Variants in NOS1AP observed in about 807,000 individuals in gnomAD.
NOS1AP encodes the protein nitric oxide synthase 1 adaptor protein.
In NOS1AP, 21 loss-of-function variants were observed where a neutral mutation model predicts 56.2. The observed-to-expected ratio is 0.37, with a 90% CI of 0.26 to 0.54. The LOEUF (loss-of-function observed/expected upper bound fraction) is 0.54, where lower values mean the gene tolerates loss of function less well. NOS1AP is among the 20% of genes least tolerant of loss of function. NOS1AP has a pLI of 0.84. For missense variants in NOS1AP, 522 were observed against 657.8 expected (o/e 0.79, Z 2.26); for synonymous variants, 270 against 274.6 (o/e 0.98, Z 0.17).
At chr1:162,183,182 A>G (rs960148485) in intron 2 of NOS1AP, among the ~76,000 whole-genome samples, 10 of 152,238 alleles carry the variant, frequency 6.6e-5, no homozygotes, top group Admixed American at 2.0e-4. Flanking sequence ...GAACATCTCC[A>G]TCAGAGATCT....
rs397974077 is a variant in NOS1AP at position 162,289,219 on chromosome 1, T to TCCTTC, written c.270+1785_270+1789dup. Among the ~76,000 whole-genome samples the TCCTTC allele has an allele frequency of 2.3e-3, 45 of 19,422 alleles. 1 individual carries two copies. In the East Asian group the frequency reaches 0.031, roughly 14 times the overall value. 12.7% of individuals were successfully genotyped at this position (19,422 alleles called of 152,430 possible). A position where few individuals can be genotyped will look rare whatever the true frequency, so the allele number is the denominator to read the frequency against. On this transcript the variant is annotated intron_variant, in intron 3 of 9. Transcript: ENST00000361897. ...TCCTTCCTTCCTTCCTTTCCTTCCT[T>TCCTTC]CCTTCCTTCCTTCCTTCCTTCCTTC...
At chr1:162,125,130 C>CTTTGTTTTTTTTTTTTTT (rs1648427249) in intron 1 of NOS1AP, among the ~76,000 whole-genome samples, 1 of 124,170 alleles carries the variant, frequency 8.1e-6, no homozygotes, top group African/African-American at 3.2e-5. Context: ...GTTTCTGACT[C>CTTTGTTTTTTTTTTTTTT]TTTTTTTTTT....
At chr1:162,350,997 G>A (rs191076734) in intron 6 of NOS1AP, among the ~76,000 whole-genome samples, 1 of 152,318 alleles carries the variant, frequency 6.6e-6, no homozygotes, top group Non-Finnish European at 1.5e-5. Context: ...ATGGTTTCAT[G>A]TACACAAATG....
At chr1:162,224,681 C>T (rs551958841) in intron 2 of NOS1AP, among the ~76,000 whole-genome samples, 1 of 152,278 alleles carries the variant, frequency 6.6e-6, no homozygotes, top group East Asian at 1.9e-4. Flanking sequence ...GGAAATGCTA[C>T]AGACTCATCC....
chr1:162,151,143 G>T (rs376035544), intron 1 of NOS1AP, among the ~76,000 whole-genome samples: 1 of 152,158 alleles, frequency 6.6e-6, no homozygotes, highest in Non-Finnish European at 1.5e-5. Flanking sequence ...TTTGTATATG[G>T]TGAGAGATAG....
rs185237246 is a variant in NOS1AP, at chr1:162,198,637, T to G, written c.177+44161T>G. Among the ~76,000 whole-genome samples the G allele has an allele frequency of 2.4e-3, 371 of 152,348 alleles. 4 individuals carry two copies. The highest frequency in any genetic ancestry group is 8.3e-3 in the African/African-American group (347 of 41,582). On this transcript the variant is annotated intron_variant, in intron 2 of 9. Coordinates refer to ENST00000361897, the MANE Select transcript of NOS1AP (RefSeq NM_014697.3). ...TGCATGGTATTTGTTAGTGTCAAAA[T>G]GCAGCAAATCTCTAAATGATTGTTC...
intron 2 of NOS1AP, among the ~76,000 whole-genome samples, chr1:162,231,566 T>C (rs1169393116): frequency 2.0e-5 from 3 of 152,190 alleles, no homozygotes; most frequent in African/African-American, 7.2e-5. Context: ...AAATATTCAA[T>C]ATGTCATCAA....
chr1:162,317,639 C>G (rs965980691), intron 4 of NOS1AP: 1 of 152,178 alleles, frequency 6.6e-6, no homozygotes, highest in Non-Finnish European at 1.5e-5. Flanking sequence ...CCTTCCAGCC[C>G]TCGTATATCT....
At chr1:162,265,848 T>G (rs1286435260) in intron 2 of NOS1AP, among the ~76,000 whole-genome samples, 2 of 152,196 alleles carry the variant, frequency 1.3e-5, no homozygotes, top group African/African-American at 2.4e-5. Context: ...GATAGAAGTT[T>G]CTCTTTCTCA....
chr1:162,349,135 C>T (rs1043444315), intron 6 of NOS1AP, among the ~76,000 whole-genome samples: 9 of 151,256 alleles, frequency 6.0e-5, no homozygotes, highest in South Asian at 2.1e-4. Context: ...TGTGGTGAGC[C>T]GAGATCGCAC....
chr1:162,344,817 A>T (rs540643137), intron 6 of NOS1AP, among the ~76,000 whole-genome samples: 1 of 152,340 alleles, frequency 6.6e-6, no homozygotes, highest in South Asian at 2.1e-4. Flanking sequence ...AACATGGGAA[A>T]CCCAAGAAAA....
At chr1:162,071,295 A>T (rs908164919) in intron 1 of NOS1AP, among the ~76,000 whole-genome samples, 1 of 152,076 alleles carries the variant, frequency 6.6e-6, no homozygotes, top group African/African-American at 2.4e-5. Context: ...TGTACTTTGG[A>T]TGTGGCGACA....
chr1:162,333,151 G>A (rs1325144283), intron 5 of NOS1AP, 26 bp downstream of exon 5: 3 of 1,508,912 alleles, frequency 2.0e-6, no homozygotes, highest in African/African-American at 1.4e-5. Context: ...CCGTCCATCT[G>A]CTATTTTCCT....
intron 2 of NOS1AP, among the ~76,000 whole-genome samples, chr1:162,195,992 TA>T (rs1413280793): frequency 6.6e-6 from 1 of 152,202 alleles, no homozygotes; most frequent in East Asian, 1.9e-4. Flanking sequence ...TTAAATAAAT[TA>T]GACTATTGGA....
At position 162,367,329 on chromosome 1, in the gene NOS1AP, C is replaced by T. The variant is rs746753852; in HGVS notation, c.1383C>T (p.Gly461=). 2.5e-6 allele frequency: 4 copies of T among 1,613,132 alleles called. No homozygotes were observed. The highest frequency in any genetic ancestry group is 1.3e-5 in the African/African-American group (1 of 74,958). The stretch of plus-strand genomic sequence containing the variant: ...AGCTCATCAAGTTCCGAGAGTCAGG[C>T]ATCGCCTCGGAGTACGAGTCCAACA... ...GLELIKFRES[G]IASEYESNTD... The change falls in exon 10 of 10, where the codon GGC becomes GGT. Residue 461 remains glycine, a synonymous_variant. Transcript: ENST00000361897. This position sits in a 1 kb window ranked among gnomAD's most constrained non-coding sequence, Gnocchi z 6.5.
At chr1:162,223,721 G>A (rs558652318) in intron 2 of NOS1AP, among the ~76,000 whole-genome samples, 2 of 152,256 alleles carry the variant, frequency 1.3e-5, no homozygotes, top group South Asian at 4.1e-4. Context: ...TGTAGGTAGA[G>A]GATATAGGAA....
intron 8 of NOS1AP, among the ~76,000 whole-genome samples, chr1:162,358,841 A>G (rs1031439258): frequency 6.6e-6 from 1 of 152,226 alleles, no homozygotes; most frequent in African/African-American, 2.4e-5. Flanking sequence ...TCAGGGAGGC[A>G]TTTGAATTCG....
At chr1:162,160,384 CA>C (rs1650151251) in intron 2 of NOS1AP, among the ~76,000 whole-genome samples, 2 of 152,100 alleles carry the variant, frequency 1.3e-5, no homozygotes, top group Admixed American at 6.5e-5. Flanking sequence ...TCAAGAAAAA[CA>C]AAAACAGAAA....
intron 1 of NOS1AP, among the ~76,000 whole-genome samples, chr1:162,078,240 G>T (rs1691813787): frequency 6.6e-6 from 1 of 152,120 alleles, no homozygotes; most frequent in South Asian, 2.1e-4. Flanking sequence ...CTTCCTGCTG[G>T]TCATCTGTAC....
Sources: allele counts gnomAD v4.1 joint callset (sites outside exome capture counted in the v4.1 genomes callset), GRCh38; gene constraint gnomAD v4.1.1; non-coding constraint Gnocchi (gnomAD v3.1); transcripts MANE v1.5; gene names NCBI Gene and HGNC (gene_info 2026-07-23, HGNC 2026-07-21).